ZIM2: variants seen among roughly 807,000 people sequenced by gnomAD.
ZIM2 encodes the protein zinc finger protein 656.
In ZIM2, 14 loss-of-function variants were observed where a neutral mutation model predicts 38.6. The ratio of observed to expected loss-of-function variants is 0.36; its 90% CI spans 0.24 to 0.57. The LOEUF (loss-of-function observed/expected upper bound fraction) is 0.57, where lower values mean the gene tolerates loss of function less well. Among genes scored for constraint, ZIM2 ranks in the 20% least tolerant of loss-of-function variants. The pLI is 0.81. For missense variants in ZIM2, 680 were observed against 695.1 expected (o/e 0.98, Z 0.24); for synonymous variants, 247 against 245.8 (o/e 1.00, Z -0.04).
intron 10 of ZIM2, 128 bp from the exon 11 acceptor site, chr19:56,782,249 G>A: frequency 1.6e-6 from 2 of 1,229,398 alleles, no homozygotes; most frequent in East Asian, 2.5e-5. Flanking sequence ...ATCTTTCTTT[G>A]TCTTATCGAG....
At chr19:56,822,951 G>T in intron 5 of ZIM2, 115 bp from the exon 6 acceptor site, 1 of 1,395,354 alleles carries the variant, frequency 7.2e-7, no homozygotes. Flanking sequence ...ACAAGGAGAT[G>T]GATCCAAAAC....
At chr19:56,817,263 G>A (rs967525263) in intron 9 of ZIM2, 1 of 1,614,112 alleles carries the variant, frequency 6.2e-7, no homozygotes, top group Admixed American at 1.7e-5. Flanking sequence ...CAAAATGATA[G>A]CGCCTCTTTC....
chr19:56,795,606 T>C (rs926159664), intron 9 of ZIM2, among the ~76,000 whole-genome samples: 7 of 152,184 alleles, frequency 4.6e-5, no homozygotes, highest in African/African-American at 1.7e-4. Flanking sequence ...CCAAGTGCCC[T>C]GTGAGACACG....
chr19:56,827,307 C>T (rs2061136777), intron 2 of ZIM2, among the ~76,000 whole-genome samples: 1 of 152,112 alleles, frequency 6.6e-6, no homozygotes, highest in Non-Finnish European at 1.5e-5. Context: ...TAAACATACA[C>T]AATCTTCCCT....
At chr19:56,807,996 A>G (rs1439780738) in intron 9 of ZIM2, among the ~76,000 whole-genome samples, 2 of 152,166 alleles carry the variant, frequency 1.3e-5, no homozygotes, top group African/African-American at 4.8e-5. Flanking sequence ...ACTAGGGGGA[A>G]ATAATAGACT....
At chr19:56,783,911 A>C (rs2145873217) in intron 10 of ZIM2, among the ~76,000 whole-genome samples, 1 of 152,316 alleles carries the variant, frequency 6.6e-6, no homozygotes, top group South Asian at 2.1e-4. Context: ...TCCTTAGCAA[A>C]TCTGAATATA....
At chr19:56,809,181 C>A (rs1326801729) in intron 9 of ZIM2, among the ~76,000 whole-genome samples, 3 of 152,150 alleles carry the variant, frequency 2.0e-5, no homozygotes, top group Non-Finnish European at 4.4e-5. Context: ...CCAATCCTCC[C>A]ACCCTGACCT....
chr19:56,823,485 C>T (rs1385067722), intron 5 of ZIM2, 105 bp downstream of exon 5: 7 of 1,332,830 alleles, frequency 5.3e-6, no homozygotes, highest in South Asian at 3.7e-5. Context: ...GCTGACCACT[C>T]GGGGATGGCG....
chr19:56,840,175 T>C (rs1373493685), intron 1 of ZIM2, among the ~76,000 whole-genome samples: 2 of 152,182 alleles, frequency 1.3e-5, no homozygotes, highest in Admixed American at 6.5e-5. Context: ...AGGGATAGCA[T>C]TGGTGTCGAC....
Position 56,779,489 on chromosome 19 carries a change from CTG to C in ZIM2, c.740-19_740-18del. 1 of 1,613,088 alleles carries C rather than the reference CTG, an allele frequency of 6.2e-7. No homozygotes were observed. Among genetic ancestry groups the C allele is most frequent in the Non-Finnish European group, 8.5e-7 (1 of 1,179,432 alleles). On this transcript the variant is annotated intron_variant, in intron 11 of 12. Transcript: ENST00000629319. ...ACTGGTGCCCTGTTGGAGAGGAAGA[CTG>C]AGAACTCAGGGTTTCAGTAACTCCC...
chr19:56,816,115 C>T, intron 9 of ZIM2: 1 of 1,612,462 alleles, frequency 6.2e-7, no homozygotes, highest in African/African-American at 1.3e-5. Context: ...AATAACAGAC[C>T]TCTCATATGA....
At chr19:56,828,934 A>G (rs2146471179) in intron 2 of ZIM2, among the ~76,000 whole-genome samples, 1 of 152,308 alleles carries the variant, frequency 6.6e-6, no homozygotes, top group Non-Finnish European at 1.5e-5. Context: ...ACATTTCTGG[A>G]TCCCATTTTG....
At chr19:56,811,721 G>T in intron 9 of ZIM2, 1 of 985,426 alleles carries the variant, frequency 1.0e-6, no homozygotes, top group Non-Finnish European at 1.2e-6. Context: ...CAGCTTTCCC[G>T]ATGTCCGTTC....
chr19:56,810,479 A>G (rs1375885464), intron 9 of ZIM2: 1 of 985,056 alleles, frequency 1.0e-6, no homozygotes, highest in East Asian at 1.1e-4. Context: ...ACTAGTGCAC[A>G]GATCAAGATG....
chr19:56,774,946 A>AG lies in ZIM2; in HGVS notation c.1418dup (p.Gly474TrpfsTer17). ...AGTATGTCTTGCTGTGGGACAACCC[A>AG]GGAGGAAGGACTCTTGCTGCCTCAT... On this transcript the variant is annotated frameshift_variant, in exon 13 of 13. Coordinates refer to ENST00000629319, the MANE Select transcript of ZIM2 (RefSeq NM_001387356.1). LOFTEE classifies it low-confidence loss of function (END_TRUNC). The AG allele has an allele frequency of 6.2e-7, 1 of 1,614,222 alleles. No individual in the cohort carries two copies. The highest frequency in any genetic ancestry group is 8.5e-7 in the Non-Finnish European group (1 of 1,180,028).
At chr19:56,808,001 T>TA (rs1298733815) in intron 9 of ZIM2, among the ~76,000 whole-genome samples, 1 of 152,180 alleles carries the variant, frequency 6.6e-6, no homozygotes, top group African/African-American at 2.4e-5. Context: ...GGGGAAATAA[T>TA]AGACTGCCTT....
At chr19:56,815,687 C>T in intron 9 of ZIM2, 1 of 1,614,184 alleles carries the variant, frequency 6.2e-7, no homozygotes, top group Non-Finnish European at 8.5e-7. Context: ...AATTCGCCAT[C>T]CTTCTTAAAC....
chr19:56,836,154 G>A, intron 1 of ZIM2, 50 bp from the exon 2 acceptor site: 1 of 442,776 alleles, frequency 2.3e-6, no homozygotes. Flanking sequence ...TGCAGTTACT[G>A]GGTTCCTCAG....
chr19:56,822,148 T>C (rs899248420), intron 6 of ZIM2, among the ~76,000 whole-genome samples: 7 of 152,226 alleles, frequency 4.6e-5, no homozygotes, highest in South Asian at 4.1e-4. Flanking sequence ...ACAATGCCTA[T>C]TGTGTTGTGA....
Sources: gnomAD v4.1 joint callset for allele counts (sites outside exome capture counted in the v4.1 genomes callset) on GRCh38, gnomAD v4.1.1 for gene constraint, MANE v1.5 for transcripts, NCBI Gene and HGNC (gene_info 2026-07-23, HGNC 2026-07-21) for gene names.